Variants in ZPBP observed in about 807,000 individuals in gnomAD.
The protein encoded by ZPBP is zona pellucida-binding protein 1.
In ZPBP, 26 loss-of-function variants were observed where a neutral mutation model predicts 44.8. The ratio of observed to expected loss-of-function variants is 0.58; its 90% confidence interval spans 0.43 to 0.81. The LOEUF is 0.81. Among genes scored for constraint, ZPBP ranks in the 30% least tolerant of loss-of-function variants. ZPBP has a pLI of 0.00. For synonymous variants in ZPBP, 174 were observed against 153.2 expected, an observed-to-expected ratio of 1.14 and a Z score of -1.00; for missense variants, 409 against 434.0, an observed-to-expected ratio of 0.94 and a Z score of 0.51.
chr7:50,008,540 C>T (rs144654685), intron 6 of ZPBP, among the ~76,000 whole-genome samples: 3 of 152,090 alleles, frequency 2.0e-5, no homozygotes, highest in African/African-American at 7.2e-5. Flanking sequence ...CATATGAAAT[C>T]TCATGAGACC....
intron 3 of ZPBP, among the ~76,000 whole-genome samples, chr7:50,075,476 G>C (rs944534247): frequency 1.3e-5 from 2 of 151,880 alleles, no homozygotes; most frequent in Admixed American, 6.6e-5. Flanking sequence ...AAAACAAAAA[G>C]TTGGTTTTTT....
chr7:50,030,646 TATAAAG>T (rs1184048216), intron 5 of ZPBP, among the ~76,000 whole-genome samples: 1 of 150,676 alleles, frequency 6.6e-6, no homozygotes, highest in East Asian at 1.9e-4. Flanking sequence ...CCATTATAAA[TATAAAG>T]ATAAATATAA....
chr7:49,955,289 T>G (rs1333399011), intron 7 of ZPBP, among the ~76,000 whole-genome samples: 3 of 152,190 alleles, frequency 2.0e-5, no homozygotes, highest in Non-Finnish European at 4.4e-5. Context: ...CCAGACGCAG[T>G]GGCTCACACC....
downstream of ZPBP, among the ~76,000 whole-genome samples, chr7:49,934,708 C>T (rs1391657969): frequency 6.6e-6 from 1 of 151,738 alleles, no homozygotes; most frequent in East Asian, 1.9e-4. Context: ...AAATTAATAC[C>T]ATTGGATGTA....
At chr7:50,013,792 A>C (rs1479444889) in intron 6 of ZPBP, among the ~76,000 whole-genome samples, 1 of 152,106 alleles carries the variant, frequency 6.6e-6, no homozygotes, top group Non-Finnish European at 1.5e-5. Context: ...TGAAAACTTG[A>C]GTCAAGTAAT....
chr7:49,951,098 C>G (rs2128758387), intron 7 of ZPBP, among the ~76,000 whole-genome samples: 1 of 151,794 alleles, frequency 6.6e-6, no homozygotes, highest in South Asian at 2.1e-4. Flanking sequence ...AAAATTAGTT[C>G]AAAATGCATT....
intron 4 of ZPBP, among the ~76,000 whole-genome samples, chr7:50,053,716 T>G (rs1215736996): frequency 2.0e-5 from 3 of 152,228 alleles, no homozygotes; most frequent in African/African-American, 7.2e-5. Context: ...TTTTACTTCA[T>G]GCTGAAGTAT....
intron 7 of ZPBP, among the ~76,000 whole-genome samples, chr7:49,955,284 C>T (rs181735554): frequency 1.0e-3 from 155 of 152,242 alleles, no homozygotes; most frequent in Middle Eastern, 6.8e-3. Context: ...AAGGGCCAGA[C>T]GCAGTGGCTC....
chr7:49,847,587 C>G (rs912984385), downstream of ZPBP, among the ~76,000 whole-genome samples: 1 of 152,152 alleles, frequency 6.6e-6, no homozygotes, highest in African/African-American at 2.4e-5. Context: ...ACTCAGATAT[C>G]CCAAGAGAAG....
Position 50,031,095 on chromosome 7 carries a change from A to C in ZPBP, c.703T>G (p.Ser235Ala). ...GLQNELFFAF[S>A]VSSLDTEKGP... ...CTAACAAATTGTATAGACTTACCTG[A>C]AAATGCAAAGAACAATTCATTTTGC... The change falls in exon 5 of 8, where the codon TCA (serine) becomes GCA (alanine). Residue 235 changes from serine to alanine, a missense_variant. Around this residue, in one of 2 missense-constraint regions of ZPBP, gnomAD observed 367 missense variants for 363.1 expected, o/e 1.01. Transcript: ENST00000046087. 6.2e-7 allele frequency: 1 copy of C among 1,613,282 alleles called. No individual in the cohort carries two copies.
intron 7 of ZPBP, among the ~76,000 whole-genome samples, chr7:49,979,870 T>C (rs1250575262): frequency 4.8e-5 from 6 of 126,170 alleles, no homozygotes; most frequent in African/African-American, 1.2e-4. Context: ...TATAATATAA[T>C]ATATTATATA....
chr7:49,956,188 T>C (rs1230778683), intron 7 of ZPBP, among the ~76,000 whole-genome samples: 1 of 152,110 alleles, frequency 6.6e-6, no homozygotes, highest in Non-Finnish European at 1.5e-5. Context: ...TGTTTTTAAA[T>C]TTTCTCTCTC....
chr7:49,937,399 G>C (rs1228251643), downstream of ZPBP: 1 of 721,104 alleles, frequency 1.4e-6, no homozygotes, highest in African/African-American at 1.8e-5. Context: ...TGGACATACA[G>C]TATTTGATTA....
chr7:49,999,929 G>A (rs766423236), intron 6 of ZPBP, among the ~76,000 whole-genome samples: 23 of 151,780 alleles, frequency 1.5e-4, no homozygotes, highest in Non-Finnish European at 2.2e-4. Flanking sequence ...CTTTCTTCTC[G>A]CCAAATTTTG....
chr7:49,967,049 C>T (rs1796093332), intron 7 of ZPBP, among the ~76,000 whole-genome samples: 1 of 151,990 alleles, frequency 6.6e-6, no homozygotes, highest in Admixed American at 6.6e-5. Context: ...TGCTCTTCTT[C>T]AAGAAAAAGA....
At chr7:49,998,882 C>CA (rs1415665328) in intron 6 of ZPBP, among the ~76,000 whole-genome samples, 6 of 151,994 alleles carry the variant, frequency 3.9e-5, no homozygotes, top group African/African-American at 1.5e-4. Context: ...TACATGAGTG[C>CA]ACACCACACA....
At chr7:49,844,136 T>C in the ZPBP span, among the ~76,000 whole-genome samples, 1 of 152,134 alleles carries the variant, frequency 6.6e-6, no homozygotes, top group Non-Finnish European at 1.5e-5. Flanking sequence ...TCACCTAAGG[T>C]GTGTTTGGAC....
intron 7 of ZPBP, among the ~76,000 whole-genome samples, chr7:49,976,797 T>C (rs937854980): frequency 6.6e-6 from 1 of 152,136 alleles, no homozygotes; most frequent in Non-Finnish European, 1.5e-5. Context: ...TTACATGGAC[T>C]GCTTTTACTG....
At chr7:49,938,866 A>AT (rs1323703896) in intron 7 of ZPBP, among the ~76,000 whole-genome samples, 3 of 152,186 alleles carry the variant, frequency 2.0e-5, no homozygotes, top group Admixed American at 1.3e-4. Context: ...TTCACACTAT[A>AT]TTTTAAATTT....
Sources: allele counts gnomAD v4.1 joint callset (sites outside exome capture counted in the v4.1 genomes callset), GRCh38; gene constraint gnomAD v4.1.1; regional missense constraint gnomAD v4.1.1; transcripts MANE v1.5; gene names NCBI Gene and HGNC (gene_info 2026-07-23, HGNC 2026-07-21).